NCOA1: variants seen among roughly 807,000 people sequenced by gnomAD.
NCOA1 encodes the protein nuclear receptor coactivator 1.
NCOA1 carries 35 observed loss-of-function variants against 150.9 expected under a neutral mutation model. The ratio of observed to expected loss-of-function variants is 0.23; its 90% confidence interval spans 0.18 to 0.31. The LOEUF is 0.31. Ranked by LOEUF, NCOA1 falls within the 10% of genes least tolerant of loss-of-function variation. The pLI is 1.00. For synonymous variants in NCOA1, 590 were observed against 630.0 expected, an observed-to-expected ratio of 0.94 and a Z score of 0.95; for missense variants, 1,491 against 1,749.3, an observed-to-expected ratio of 0.85 and a Z score of 2.63.
At chr2:24,720,070 G>T (rs991010034) in intron 14 of NCOA1, among the ~76,000 whole-genome samples, 5 of 152,172 alleles carry the variant, frequency 3.3e-5, no homozygotes, top group Non-Finnish European at 7.3e-5. Context: ...CAGGATGGTA[G>T]TAAGAGAGGT....
rs557352879 is a variant in NCOA1 at position 24,523,142 on chromosome 2, C to T, written c.-396+31540C>T. Among the ~76,000 whole-genome samples, 8 of 152,322 alleles carry T rather than the reference C, an allele frequency of 5.3e-5. No homozygotes were observed. In the East Asian group the frequency reaches 1.3e-3, roughly 26 times the overall value. ...GTTATCCATGCATTTCAGAAAACATCTTCATGGACTGTGTCCTTCGGTCCT... is the reference window on the plus strand; with the variant it reads ...GTTATCCATGCATTTCAGAAAACATTTTCATGGACTGTGTCCTTCGGTCCT... On this transcript the variant is annotated intron_variant, in intron 1 of 22. Transcript: ENST00000348332.
intron 4 of NCOA1, among the ~76,000 whole-genome samples, chr2:24,648,379 T>TTC (rs1020703659): frequency 1.3e-5 from 2 of 151,998 alleles, no homozygotes; most frequent in Non-Finnish European, 2.9e-5. Context: ...GTTCAAGCAG[T>TTC]TCTCTTCCTC....
intron 1 of NCOA1, among the ~76,000 whole-genome samples, chr2:24,562,006 T>C (rs930033889): frequency 1.3e-5 from 2 of 152,096 alleles, no homozygotes; most frequent in African/African-American, 4.8e-5. Flanking sequence ...TCTCACTCTA[T>C]ACATTATATG....
chr2:24,680,193 T>C (rs1672100188), intron 7 of NCOA1, among the ~76,000 whole-genome samples: 1 of 152,196 alleles, frequency 6.6e-6, no homozygotes, highest in Non-Finnish European at 1.5e-5. Flanking sequence ...CTGGATCATA[T>C]GGTAGTTCTA....
At chr2:24,525,843 C>T (rs773654086) in intron 1 of NCOA1, among the ~76,000 whole-genome samples, 17 of 152,114 alleles carry the variant, frequency 1.1e-4, no homozygotes, top group Non-Finnish European at 1.9e-4. Context: ...CCCCCGAGCC[C>T]GACCTTATGT....
Position 24,728,324 on chromosome 2 carries a change from C to T in NCOA1, c.2734C>T (p.Gln912Ter). The T allele has an allele frequency of 6.2e-7, 1 of 1,611,610 alleles. No individual in the cohort carries two copies. The highest frequency in any genetic ancestry group is 1.7e-5 in the Admixed American group (1 of 59,640). Residue 912 changes from glutamine to a stop codon, truncating the protein, a stop_gained, in exon 16 of 23, where the codon CAA becomes TAA. Transcript: ENST00000348332. LOFTEE classifies it high-confidence loss of function. ...ATCCTGCAGCCAGTGTATTAGCTCA[C>T]AATTAGATGAGCTTCTCTGTCCACC... ...SKSEDQCISS[Q>*]LDELLCPPTT...
chr2:24,530,763 A>G (rs1664850039), intron 1 of NCOA1, among the ~76,000 whole-genome samples: 1 of 152,248 alleles, frequency 6.6e-6, no homozygotes, highest in African/African-American at 2.4e-5. Context: ...GGTAGAGAAG[A>G]GAAAGACTGA....
At chr2:24,681,193 A>G (rs1238481870) in intron 7 of NCOA1, among the ~76,000 whole-genome samples, 2 of 152,098 alleles carry the variant, frequency 1.3e-5, no homozygotes, top group Non-Finnish European at 2.9e-5. Context: ...GTAAAACCCC[A>G]TCTCTACTAA....
chr2:24,708,121 C>A (rs1673550572), intron 13 of NCOA1, among the ~76,000 whole-genome samples: 1 of 152,146 alleles, frequency 6.6e-6, no homozygotes, highest in Non-Finnish European at 1.5e-5. Flanking sequence ...ATTTTTCTTT[C>A]TCTATAAAAT....
rs568953313 is a variant in NCOA1, at chr2:24,628,204, G to A, written c.-174-15762G>A. On this transcript the variant is annotated intron_variant, in intron 3 of 22. Coordinates refer to ENST00000348332, the MANE Select transcript of NCOA1 (RefSeq NM_003743.5). ...AACTCCAGCTACTTGGGACGCTGAG[G>A]CAGGAGAATTGCTTGAACCTGGGAG... Among the ~76,000 whole-genome samples the A allele has an allele frequency of 6.4e-4, 97 of 152,112 alleles. 1 individual carries two copies. Among genetic ancestry groups the A allele is most frequent in the African/African-American group, 2.2e-3 (93 of 41,512 alleles).
At chr2:24,746,330 G>T (rs781531605) in intron 19 of NCOA1, among the ~76,000 whole-genome samples, 1 of 152,168 alleles carries the variant, frequency 6.6e-6, no homozygotes, top group Non-Finnish European at 1.5e-5. Flanking sequence ...ATTACCTGAG[G>T]TCAGGAGTTT....
chr2:24,720,992 G>A (rs1674333810), intron 14 of NCOA1, among the ~76,000 whole-genome samples: 1 of 152,136 alleles, frequency 6.6e-6, no homozygotes, highest in African/African-American at 2.4e-5. Context: ...CACCACCTGA[G>A]ATACACAGTT....
intron 1 of NCOA1, among the ~76,000 whole-genome samples, chr2:24,542,339 G>T (rs190209120): frequency 6.6e-6 from 1 of 152,238 alleles, no homozygotes; most frequent in East Asian, 1.9e-4. Flanking sequence ...ATATTCAAAG[G>T]GGGGAACCAA....
In NCOA1 at chr2:24,707,275, C is replaced by G. The variant is rs144610384; in HGVS notation, c.1805C>G (p.Ser602Cys). 10 of 1,614,208 alleles carry G rather than the reference C, an allele frequency of 6.2e-6. No individual in the cohort carries two copies. The highest frequency in any genetic ancestry group is 7.6e-6 in the Non-Finnish European group (9 of 1,180,032). The part of the protein sequence containing the change: ...LNEMIQSDNS[S>C]SDGKPLDSGL... The stretch of plus-strand genomic sequence containing the variant: ...GAAATGATTCAATCTGACAACAGCT[C>G]TAGTGATGGCAAACCTCTGGATTCA... The change falls in exon 13 of 23, where the codon TCT (serine) becomes TGT (cysteine). Residue 602 changes from serine to cysteine, a missense_variant. Ser to Cys is a moderately radical substitution (Grantham distance 112, BLOSUM62 -1). Transcript: ENST00000348332.
At chr2:24,511,347 C>T (rs924076627) in intron 1 of NCOA1, among the ~76,000 whole-genome samples, 14 of 152,154 alleles carry the variant, frequency 9.2e-5, no homozygotes, top group Non-Finnish European at 4.4e-5. Context: ...ATTGTGAGAA[C>T]GGCAAAACTG....
At chr2:24,561,676 C>T (rs1173414773) in intron 1 of NCOA1, among the ~76,000 whole-genome samples, 3 of 152,088 alleles carry the variant, frequency 2.0e-5, no homozygotes, top group African/African-American at 7.2e-5. Flanking sequence ...AAAACTATAA[C>T]AGAAGTACAC....
chr2:24,639,950 A>G (rs75753456), intron 3 of NCOA1, among the ~76,000 whole-genome samples: 56,546 of 117,174 alleles, frequency 0.48, 18,107 homozygotes, highest in Admixed American at 0.65. Context: ...ATATATATAT[A>G]TATATATATA....
At chr2:24,693,557 T>A (rs1418104065) in intron 10 of NCOA1, among the ~76,000 whole-genome samples, 1 of 152,204 alleles carries the variant, frequency 6.6e-6, no homozygotes, top group Non-Finnish European at 1.5e-5. Flanking sequence ...GGAACACTTT[T>A]TATAACTTTA....
chr2:24,729,449 T>A, intron 16 of NCOA1, 52 bp from the exon 17 acceptor site: 1 of 1,501,872 alleles, frequency 6.7e-7, no homozygotes, highest in Non-Finnish European at 9.2e-7. Context: ...GGAAGCATGT[T>A]ACTTATTGGC....
Sources: gnomAD v4.1 joint callset for allele counts (sites outside exome capture counted in the v4.1 genomes callset) on GRCh38, gnomAD v4.1.1 for gene constraint, MANE v1.5 for transcripts, NCBI Gene and HGNC (gene_info 2026-07-23, HGNC 2026-07-21) for gene names.